Variants in NREP observed in about 807,000 individuals in gnomAD.
NREP encodes the protein neuronal regeneration-related protein.
In NREP, 5 loss-of-function variants were observed where a neutral mutation model predicts 8.6. That is an observed-to-expected ratio of 0.58 (90% confidence interval 0.30 to 1.22). The LOEUF (loss-of-function observed/expected upper bound fraction) is 1.22. Ranked by LOEUF, NREP falls within the 50% of genes most tolerant of loss-of-function variation. The probability of loss-of-function intolerance (pLI) is 0.07; values close to 1 mark genes in which losing one functional copy is unlikely to be tolerated. For synonymous variants in NREP, 27 were observed against 28.0 expected (o/e 0.96, Z 0.11); for missense variants, 86 against 82.5 (o/e 1.04, Z -0.17).
chr5:111,732,652 C>G (rs556597807), intron 3 of NREP: 2 of 113,396 alleles, frequency 1.8e-5, no homozygotes, highest in African/African-American at 3.2e-5. Context: ...GTACACAGTC[C>G]CAAAATTTAA....
chr5:111,868,215 T>G (rs1430698607), intron 2 of NREP, among the ~76,000 whole-genome samples: 1 of 152,162 alleles, frequency 6.6e-6, no homozygotes, highest in African/African-American at 2.4e-5. Context: ...GTCTCCAGTG[T>G]CTTTCCAAAT....
chr5:111,737,985 C>G (rs183397915), intron 2 of NREP, among the ~76,000 whole-genome samples: 1 of 152,112 alleles, frequency 6.6e-6, no homozygotes, highest in Non-Finnish European at 1.5e-5. Context: ...TTTCCAATCT[C>G]CTTCAAAGTC....
At chr5:111,926,079 T>A (rs1755376315) in intron 2 of NREP, among the ~76,000 whole-genome samples, 1 of 152,184 alleles carries the variant, frequency 6.6e-6, no homozygotes, top group South Asian at 2.1e-4. Context: ...AGCCTCTATA[T>A]AACTGCTGGG....
chr5:111,730,811 CAT>C lies in NREP; in HGVS notation c.*108_*109del. On this transcript the variant is annotated 3_prime_UTR_variant, in exon 4 of 4. Transcript: ENST00000257435. ...TTCTCTAAAGCAAGGCTCAGAGTCC[CAT>C]AGTTTCTTCTTATACTTGATGATTT... 13 of 1,258,374 alleles carry C rather than the reference CAT, an allele frequency of 1.0e-5. No individual in the cohort carries two copies. The highest frequency in any genetic ancestry group is 1.4e-5 in the Non-Finnish European group (13 of 905,412). The allele number at this position is 1,258,374 out of a possible 1,614,324, so 78.0% of individuals were successfully genotyped here.
chr5:111,829,566 A>G (rs1752713329), intron 2 of NREP, among the ~76,000 whole-genome samples: 1 of 152,058 alleles, frequency 6.6e-6, no homozygotes, highest in African/African-American at 2.4e-5. Flanking sequence ...ATGTCCCTTT[A>G]CATCTGCTCT....
intron 2 of NREP, among the ~76,000 whole-genome samples, chr5:111,741,780 G>C (rs1376114048): frequency 1.3e-5 from 2 of 151,432 alleles, no homozygotes; most frequent in Non-Finnish European, 2.9e-5. Context: ...ATTCTGGCTT[G>C]GGGGCTAAAC....
At chr5:111,762,641 G>A (rs2112864453), upstream of NREP, among the ~76,000 whole-genome samples, 1 of 152,266 alleles carries the variant, frequency 6.6e-6, no homozygotes, top group Middle Eastern at 3.4e-3. Context: ...ACATAGGGAA[G>A]ACCACACGAA....
chr5:111,808,774 C>T (rs1341364960), intron 2 of NREP, among the ~76,000 whole-genome samples: 3 of 152,298 alleles, frequency 2.0e-5, no homozygotes, highest in Non-Finnish European at 4.4e-5. Context: ...CTATGATAAC[C>T]TTTATTGTCC....
chr5:111,926,409 G>A (rs982766733), intron 2 of NREP, among the ~76,000 whole-genome samples: 5 of 152,094 alleles, frequency 3.3e-5, no homozygotes, highest in Admixed American at 6.6e-5. Context: ...GAGCTGGGTC[G>A]ATTGTGCATC....
intron 2 of NREP, among the ~76,000 whole-genome samples, chr5:111,941,238 A>C (rs1755820448): frequency 6.6e-6 from 1 of 152,128 alleles, no homozygotes; most frequent in Admixed American, 6.6e-5. Flanking sequence ...TGGTTATTTA[A>C]TTATCTTGTT....
intron 2 of NREP, among the ~76,000 whole-genome samples, chr5:111,826,326 C>T (rs567203738): frequency 5.3e-5 from 8 of 152,274 alleles, no homozygotes; most frequent in Admixed American, 1.3e-4. Context: ...AAGCAGGCCA[C>T]GCGTCACCAC....
chr5:111,779,283 T>C (rs1293617384), intron 2 of NREP, among the ~76,000 whole-genome samples: 5 of 152,104 alleles, frequency 3.3e-5, no homozygotes, highest in South Asian at 2.1e-4. Flanking sequence ...AAGCAGGAAC[T>C]AGATGGCTTT....
chr5:111,752,930 AAAGC>A (rs1325786930), intron 2 of NREP, among the ~76,000 whole-genome samples: 5 of 152,206 alleles, frequency 3.3e-5, no homozygotes, highest in Non-Finnish European at 7.3e-5. Context: ...TAACTTATCC[AAAGC>A]AAGTGCCTTT....
chr5:111,964,861 A>AAAAAAAAAAAT, intron 2 of NREP, among the ~76,000 whole-genome samples: 2 of 105,670 alleles, frequency 1.9e-5, no homozygotes, highest in Non-Finnish European at 3.3e-5. Flanking sequence ...GCAGCAAAAA[A>AAAAAAAAAAAT]AAAAAAAAAA....
At chr5:111,808,527 T>G (rs1298827053) in intron 2 of NREP, among the ~76,000 whole-genome samples, 1 of 152,232 alleles carries the variant, frequency 6.6e-6, no homozygotes, top group African/African-American at 2.4e-5. Context: ...CTTTCAAATG[T>G]TACTTAAGAA....
At position 111,856,858 on chromosome 5, in the gene NREP, T is replaced by C. The variant is rs182164283; in HGVS notation, c.135+118416A>G. On this transcript the variant is annotated intron_variant, in intron 2 of 3. Coordinates refer to the NREP transcript ENST00000395634. ...CCTTTTGACAAAAAGTAAAGTTGTA[T>C]TGATTGGTTGGCGGCTGGTTGAGTA... 4.8e-3 allele frequency among the ~76,000 whole-genome samples: 730 copies of C among 152,254 alleles called. 9 individuals are homozygous for C. The highest frequency in any genetic ancestry group is 0.017 in the African/African-American group (688 of 41,538).
intron 2 of NREP, among the ~76,000 whole-genome samples, chr5:111,870,880 C>T (rs546567788): frequency 6.6e-6 from 1 of 152,220 alleles, no homozygotes; most frequent in Admixed American, 6.5e-5. Context: ...GGAAGCATAG[C>T]CCTGCTGGTC....
chr5:111,915,178 G>C (rs1202789087), intron 2 of NREP, among the ~76,000 whole-genome samples: 1 of 152,112 alleles, frequency 6.6e-6, no homozygotes, highest in African/African-American at 2.4e-5. Context: ...GTGCCTGAGA[G>C]TTTGCATTCC....
intron 2 of NREP, among the ~76,000 whole-genome samples, chr5:111,807,805 A>C (rs1290492649): frequency 6.6e-6 from 1 of 152,220 alleles, no homozygotes; most frequent in Non-Finnish European, 1.5e-5. Flanking sequence ...GAATATCAGA[A>C]TTTATAAATG....
Sources: gnomAD v4.1 joint callset for allele counts (sites outside exome capture counted in the v4.1 genomes callset) on GRCh38, gnomAD v4.1.1 for gene constraint, MANE v1.5 for transcripts, NCBI Gene and HGNC (gene_info 2026-07-23, HGNC 2026-07-21) for gene names.